The following PPOX variants were observed in gnomAD, a reference collection of about 807,000 sequenced individuals.
PPOX encodes the protein protoporphyrinogen oxidase.
Under a neutral mutation model 54.1 loss-of-function variants are expected in PPOX, and 23 were observed. The ratio of observed to expected loss-of-function variants is 0.43; its 90% CI spans 0.31 to 0.60. The LOEUF (loss-of-function observed/expected upper bound fraction) is 0.60. Among genes scored for constraint, PPOX ranks in the 20% least tolerant of loss-of-function variants. The pLI, the probability that PPOX is intolerant of heterozygous loss-of-function variation, is 0.13. For missense variants in PPOX, 512 were observed against 601.1 expected, an observed-to-expected ratio of 0.85 and a Z score of 1.55; for synonymous variants, 224 against 236.1, an observed-to-expected ratio of 0.95 and a Z score of 0.47.
upstream of PPOX, chr1:161,165,802 C>T (rs573833963): frequency 2.9e-4 from 55 of 188,698 alleles, no homozygotes; most frequent in Non-Finnish European, 5.5e-4. Flanking sequence ...ACCCAAGTTC[C>T]CTCTCTAACA....
intron 4 of PPOX, 71 bp downstream of exon 4, chr1:161,167,557 C>CTT (rs397731347): frequency 0.032 from 17,350 of 545,414 alleles, 186 homozygotes; most frequent in African/African-American, 0.051. Flanking sequence ...TTCTTCTTTT[C>CTT]TTTTTTTTTT....
chr1:161,172,274 C>T (rs1275484954), downstream of PPOX: 1 of 1,614,152 alleles, frequency 6.2e-7, no homozygotes, highest in East Asian at 2.2e-5. Flanking sequence ...GCTTCACCAT[C>T]TTATAGTGTC....
At chr1:161,168,246 T>C in intron 5 of PPOX, 119 bp downstream of exon 5, 1 of 1,556,740 alleles carries the variant, frequency 6.4e-7, no homozygotes, top group Non-Finnish European at 8.8e-7. Flanking sequence ...CTTCTCTTCA[T>C]ACCCCACCCC....
intron 6 of PPOX, 37 bp from the exon 7 acceptor site, chr1:161,168,956 A>C: frequency 6.2e-7 from 1 of 1,611,006 alleles, no homozygotes. Flanking sequence ...GAGCCACTGC[A>C]TCCAGCCTCA....
rs1660572683 is a variant in PPOX, at chr1:161,169,988, G to A, written c.951G>A (p.Val317=). 1.2e-6 allele frequency: 2 copies of A among 1,613,978 alleles called. No individual in the cohort carries two copies. The highest frequency in any genetic ancestry group is 1.7e-6 in the Non-Finnish European group (2 of 1,180,026). Residue 317 remains valine, a synonymous_variant, in exon 9 of 13, where the codon GTG becomes GTA. Coordinates refer to ENST00000367999, the MANE Select transcript of PPOX (RefSeq NM_001122764.3). ...TCACTGCAGTGTCTGTAGCTGTGGT[G>A]AATCTGCAGTACCAAGGAGCCCATC... ...SAITAVSVAV[V]NLQYQGAHLP...
chr1:161,175,038 G>GA, downstream of PPOX: 1 of 1,613,996 alleles, frequency 6.2e-7, no homozygotes. Flanking sequence ...GGCGCTGCAA[G>GA]AAGGGGTGCA....
In PPOX at chr1:161,166,952, G is replaced by C; in HGVS notation, c.87+18G>C. ...CCCCTAAGGTGAGTGCTCCACTTGT[G>C]CCAGAGGGAGCTTCATTTAATGCTC... is the stretch of plus-strand genomic sequence containing the variant. On this transcript the variant is annotated intron_variant, in intron 2 of 12. Coordinates refer to ENST00000367999, the MANE Select transcript of PPOX (RefSeq NM_001122764.3). The C allele has an allele frequency of 6.2e-7, 1 of 1,613,072 alleles. No homozygotes were observed. The highest frequency in any genetic ancestry group is 8.5e-7 in the Non-Finnish European group (1 of 1,179,250).
chr1:161,169,538 G>A, intron 7 of PPOX, 122 bp from the exon 8 acceptor site: 2 of 1,005,020 alleles, frequency 2.0e-6, no homozygotes, highest in Non-Finnish European at 3.2e-6. Context: ...TTCATCCTGG[G>A]TCAGTACACA....
Position 161,168,554 on chromosome 1 carries a change from A to G in PPOX, c.594A>G (p.Leu198=). The G allele has an allele frequency of 6.2e-7, 1 of 1,613,906 alleles. No homozygotes were observed. Among genetic ancestry groups the G allele is most frequent in the Admixed American group, 1.7e-5 (1 of 60,000 alleles). ...FQAEQTHRSI[L]LGLLLGAGRT... The stretch of plus-strand genomic sequence containing the variant: ...CTGAGCAAACCCATCGTTCCATATT[A>G]CTGGGCCTGCTGCTGGGGGCAGGTG... The change falls in exon 6 of 13, where the codon TTA becomes TTG. Residue 198 remains leucine (L), a synonymous_variant. Coordinates refer to ENST00000367999, the MANE Select transcript of PPOX (RefSeq NM_001122764.3).
chr1:161,175,701 A>G, downstream of PPOX: 12 of 1,498,200 alleles, frequency 8.0e-6, no homozygotes, highest in Non-Finnish European at 1.0e-5. Context: ...CAGCCTACCT[A>G]TCCTCTTCTA....
At chr1:161,169,315 C>A in intron 7 of PPOX, 132 bp downstream of exon 7, 1 of 1,091,070 alleles carries the variant, frequency 9.2e-7, no homozygotes, top group Non-Finnish European at 1.3e-6. Flanking sequence ...TAGACATGGG[C>A]TACCCCAGAA....
chr1:161,174,068 G>C, downstream of PPOX: 1 of 1,610,494 alleles, frequency 6.2e-7, no homozygotes, highest in Non-Finnish European at 8.5e-7. Context: ...TAATGGAGGG[G>C]AACCAGACTA....
rs1660205027 is a variant in PPOX, at chr1:161,169,125, G to T, written c.749G>T (p.Ser250Ile). The change falls in exon 7 of 13, where the codon AGT becomes ATT. Residue 250 changes from serine (S) to isoleucine (I), a missense_variant. Transcript: ENST00000367999. ...LETHLTSRGV[S>I]VLRGQPVCGL... ...ACCCACCTGACTAGTAGGGGGGTCA[G>T]TGTTCTCAGAGGCCAGCCGGTCTGT... The T allele has an allele frequency of 1.2e-6, 2 of 1,614,230 alleles. No homozygotes were observed. Among genetic ancestry groups the T allele is most frequent in the Non-Finnish European group, 8.5e-7 (1 of 1,180,040 alleles).
chr1:161,166,873 G>T lies in PPOX; in HGVS notation c.26G>T (p.Gly9Val). 1 of 1,613,854 alleles carries T rather than the reference G, an allele frequency of 6.2e-7. No homozygotes were observed. Among genetic ancestry groups the T allele is most frequent in the Non-Finnish European group, 8.5e-7 (1 of 1,180,040 alleles). Residue 9 changes from glycine (G) to valine (V), a missense_variant, in exon 2 of 13, where the codon GGC becomes GTC. Gly to Val is a moderately radical substitution (Grantham distance 109). Coordinates refer to ENST00000367999, the MANE Select transcript of PPOX (RefSeq NM_001122764.3). MGRTVVVL[G>V]GGISGLAASY... ...ATGGGCCGGACCGTGGTCGTGCTGG[G>T]CGGAGGCATCAGCGGCTTGGCCGCC... is the stretch of plus-strand genomic sequence containing the variant.
At chr1:161,170,321 T>TGCCCCCC in intron 9 of PPOX, 88 bp from the exon 10 acceptor site, 3 of 367,766 alleles carry the variant, frequency 8.2e-6, no homozygotes, top group Admixed American at 3.5e-5. Flanking sequence ...TGAGACTCTG[T>TGCCCCCC]CCCCCCCACC....
chr1:161,170,850 C>G (rs1292044970), intron 11 of PPOX, 57 bp from the exon 12 acceptor site: 2 of 1,613,596 alleles, frequency 1.2e-6, no homozygotes, highest in African/African-American at 2.7e-5. Flanking sequence ...TGTATGTCAG[C>G]CAAGGCCTAG....
chr1:161,168,917 G>A, intron 6 of PPOX, 76 bp from the exon 7 acceptor site: 1 of 1,560,464 alleles, frequency 6.4e-7, no homozygotes, highest in East Asian at 2.3e-5. Flanking sequence ...ACCCGCCTCG[G>A]CCTCCTAAAG....
intron 4 of PPOX, chr1:161,176,792 C>T: frequency 6.9e-7 from 1 of 1,446,180 alleles, no homozygotes; most frequent in South Asian, 1.2e-5. Flanking sequence ...CCCACCCCAA[C>T]AGGACAGATT....
At chr1:161,169,551 C>A in intron 7 of PPOX, 109 bp from the exon 8 acceptor site, 1 of 1,132,094 alleles carries the variant, frequency 8.8e-7, no homozygotes, top group African/African-American at 1.5e-5. Flanking sequence ...AGTACACAGT[C>A]TCCCCGGCCA....
Sources: gnomAD v4.1 joint callset for allele counts on GRCh38, gnomAD v4.1.1 for gene constraint, MANE v1.5 for transcripts, NCBI Gene and HGNC (gene_info 2026-07-23, HGNC 2026-07-21) for gene names.